HDAC7: variants seen among roughly 807,000 people sequenced by gnomAD.
The protein encoded by HDAC7 is histone deacetylase 7.
A neutral mutation model predicts 115.5 loss-of-function variants in HDAC7; 26 were observed. That is an observed-to-expected ratio of 0.23 (90% CI 0.16 to 0.31). The LOEUF is 0.31. Among genes scored for constraint, HDAC7 ranks in the 10% least tolerant of loss-of-function variants. HDAC7 has a pLI of 1.00. For missense variants in HDAC7, 1,068 were observed against 1,329.0 expected (o/e 0.80, Z 3.05); for synonymous variants, 564 against 550.9 (o/e 1.02, Z -0.33).
chr12:47,795,366 G>T lies in HDAC7; in HGVS notation c.1102C>A (p.Pro368Thr). Reference protein sequence around the residue: ...APLLTVPGLGPLPFHFAQSLM... With the variant: ...APLLTVPGLGTLPFHFAQSLM... ...GACTGGGCAAAGTGGAAGGGCAAGG[G>T]CCCAAGCCCGGGCACTGGAAAGAAT... Residue 368 changes from proline (P) to threonine (T), a missense_variant, in exon 11 of 26, where the codon CCC (proline) becomes ACC (threonine). Pro to Thr is a conservative substitution (Grantham distance 38). Coordinates refer to ENST00000080059, the MANE Select transcript of HDAC7 (RefSeq NM_015401.5). This position sits in a 1 kb window ranked among gnomAD's most constrained non-coding sequence, Gnocchi z 4.3. 1 of 1,601,698 alleles carries T rather than the reference G, an allele frequency of 6.2e-7. No homozygotes were observed.
At chr12:47,785,976 T>A in intron 22 of HDAC7, 91 bp from the exon 23 acceptor site, 1 of 1,268,728 alleles carries the variant, frequency 7.9e-7, no homozygotes, top group Non-Finnish European at 1.1e-6. Context: ...GCTTCCTCCC[T>A]AATAAAGAAT....
chr12:47,791,029 T>TA (rs1200283785), intron 16 of HDAC7: 4 of 577,376 alleles, frequency 6.9e-6, no homozygotes, highest in Non-Finnish European at 9.3e-6. Context: ...AGACACCTTC[T>TA]AGGGGAAGGC....
At chr12:47,807,862 C>T (rs911300583) in intron 1 of HDAC7, among the ~76,000 whole-genome samples, 3 of 152,328 alleles carry the variant, frequency 2.0e-5, no homozygotes, top group Non-Finnish European at 4.4e-5. Flanking sequence ...GGACCCTCAG[C>T]TCCAACTCCC....
At chr12:47,819,641 G>A (rs1944962192) in intron 1 of HDAC7, 126 bp downstream of exon 1, 2 of 160,696 alleles carry the variant, frequency 1.2e-5, no homozygotes, top group Non-Finnish European at 1.3e-5. Context: ...CTGGGCCCGC[G>A]GGGCTGGCGG....
intron 1 of HDAC7, among the ~76,000 whole-genome samples, chr12:47,814,098 A>C (rs1263831227): frequency 6.6e-6 from 1 of 152,170 alleles, no homozygotes; most frequent in Non-Finnish European, 1.5e-5. Context: ...AATCAGCCCC[A>C]TCTGGCCCTC....
intron 1 of HDAC7, among the ~76,000 whole-genome samples, chr12:47,808,617 C>T (rs529914099): frequency 6.6e-6 from 1 of 152,296 alleles, no homozygotes; most frequent in East Asian, 1.9e-4. Flanking sequence ...GTCCTCCCAG[C>T]CCTGTCCAAC....
chr12:47,812,407 A>G (rs1280642828), intron 1 of HDAC7, among the ~76,000 whole-genome samples: 1 of 152,202 alleles, frequency 6.6e-6, no homozygotes, highest in East Asian at 1.9e-4. Flanking sequence ...GAACAATAAC[A>G]TTAATAATGA....
intron 15 of HDAC7, 111 bp downstream of exon 15, chr12:47,791,475 G>A (rs556053377): frequency 6.9e-7 from 1 of 1,442,720 alleles, no homozygotes; most frequent in South Asian, 1.3e-5. Context: ...CTGGAGTAGG[G>A]ACGTCCAGGG....
In HDAC7 at chr12:47,798,265, G is replaced by A. The variant is rs769404364; in HGVS notation, c.350-46C>T. On this transcript the variant is annotated intron_variant, in intron 4 of 25. Transcript: ENST00000080059. This position sits in a 1 kb window ranked among gnomAD's most constrained non-coding sequence, Gnocchi z 4.3. ...GGGGGCTGGAGGTGGGTGGACAGGC[G>A]GCCTCGTGGCACTACCTGGCCACTG... The A allele has an allele frequency of 2.8e-5, 41 of 1,440,886 alleles. No individual in the cohort carries two copies. The highest frequency in any genetic ancestry group is 1.9e-4 in the Middle Eastern group (1 of 5,300). The allele number at this position is 1,440,886 out of a possible 1,614,324, so 89.3% of individuals were successfully genotyped here.
intron 1 of HDAC7, among the ~76,000 whole-genome samples, chr12:47,809,260 T>A (rs1944545274): frequency 6.6e-6 from 1 of 152,040 alleles, no homozygotes; most frequent in Non-Finnish European, 1.5e-5. Flanking sequence ...TGGGCCCTCC[T>A]CATGCAGACC....
At chr12:47,796,969 C>A in intron 7 of HDAC7, 48 bp downstream of exon 7, 3 of 1,506,002 alleles carry the variant, frequency 2.0e-6, no homozygotes, top group Non-Finnish European at 2.6e-6. Flanking sequence ...AGGGACAAGA[C>A]CAGCCAGGTT....
chr12:47,783,601 G>A lies in HDAC7; in HGVS notation c.*240C>T, dbSNP rs983148181. On this transcript the variant is annotated 3_prime_UTR_variant, in exon 26 of 26. Coordinates refer to ENST00000080059, the MANE Select transcript of HDAC7 (RefSeq NM_015401.5). ...ATACTGGAGGGGAGAATCTGTTCTC[G>A]AGAGCCCTGTGGGGGTCGCCGCCCA... The A allele has an allele frequency of 4.8e-5, 27 of 556,752 alleles. 1 individual carries two copies. The highest frequency in any genetic ancestry group is 2.5e-4 in the African/African-American group (13 of 52,938). 34.5% of individuals were successfully genotyped at this position (556,752 alleles called of 1,614,324 possible).
At chr12:47,786,559 G>C in intron 22 of HDAC7, 26 bp downstream of exon 22, 1 of 1,524,710 alleles carries the variant, frequency 6.6e-7, no homozygotes, top group Non-Finnish European at 9.1e-7. Flanking sequence ...TGTCCCTAAC[G>C]TCCCCCTCAG....
intron 19 of HDAC7, chr12:47,788,366 AG>A: frequency 4.2e-6 from 2 of 475,544 alleles, no homozygotes; most frequent in Admixed American, 8.0e-5. Flanking sequence ...TGTGCTGGAC[AG>A]GGCTGGCTGT....
At chr12:47,816,764 TGGA>T (rs913891839) in intron 1 of HDAC7, among the ~76,000 whole-genome samples, 3 of 151,256 alleles carry the variant, frequency 2.0e-5, no homozygotes, top group African/African-American at 7.3e-5. Flanking sequence ...GGAGGGAGAC[TGGA>T]GGAGGGCAGT....
chr12:47,811,045 G>GT (rs751806960), intron 1 of HDAC7, among the ~76,000 whole-genome samples: 10 of 152,244 alleles, frequency 6.6e-5, no homozygotes, highest in East Asian at 1.9e-4. Flanking sequence ...TCTGCACTCA[G>GT]TAAGAACCAG....
chr12:47,787,245 C>CTG (rs1555196871), intron 21 of HDAC7, among the ~76,000 whole-genome samples: 6 of 151,718 alleles, frequency 4.0e-5, no homozygotes, highest in African/African-American at 1.5e-4. Flanking sequence ...CCAGGCCCCC[C>CTG]CCCAGCTGCC....
intron 7 of HDAC7, 123 bp from the exon 8 acceptor site, chr12:47,796,421 G>GGTTT: frequency 1.7e-6 from 1 of 574,182 alleles, no homozygotes; most frequent in Non-Finnish European, 3.0e-6. Flanking sequence ...TTTGCTTCCT[G>GGTTT]CTTTCTTTTT....
intron 1 of HDAC7, among the ~76,000 whole-genome samples, chr12:47,807,552 T>A (rs1310329938): frequency 2.0e-5 from 3 of 151,398 alleles, no homozygotes; most frequent in Non-Finnish European, 4.4e-5. Flanking sequence ...ACCAATACAC[T>A]CCACCCCTCC....
Sources: gnomAD v4.1 joint callset for allele counts (sites outside exome capture counted in the v4.1 genomes callset) on GRCh38, gnomAD v4.1.1 for gene constraint, Gnocchi (gnomAD v3.1) non-coding constraint, MANE v1.5 for transcripts, NCBI Gene and HGNC (gene_info 2026-07-23, HGNC 2026-07-21) for gene names.